The following NDST4 variants were observed in gnomAD, a reference collection of about 807,000 sequenced individuals.
The protein encoded by NDST4 is N-deacetylase and N-sulfotransferase 4, also known as N-heparan sulfate sulfotransferase 4.
A neutral mutation model predicts 100.8 loss-of-function variants in NDST4; 63 were observed. The ratio of observed to expected loss-of-function variants is 0.62; its 90% confidence interval spans 0.51 to 0.77. The LOEUF is 0.77. NDST4 is among the 30% of genes least tolerant of loss of function. The probability of loss-of-function intolerance (pLI) is 0.00; values close to 1 mark genes in which losing one functional copy is unlikely to be tolerated. For synonymous variants in NDST4, 377 were observed against 361.8 expected (o/e 1.04, Z -0.48); for missense variants, 943 against 1,018.4 (o/e 0.93, Z 1.01).
chr4:114,876,070 T>A (rs1724248543), intron 6 of NDST4, among the ~76,000 whole-genome samples: 1 of 152,154 alleles, frequency 6.6e-6, no homozygotes. Context: ...AGATATTTGG[T>A]TCCTAGGAAA....
chr4:114,887,802 G>A (rs1724510861), intron 6 of NDST4, among the ~76,000 whole-genome samples: 1 of 152,068 alleles, frequency 6.6e-6, no homozygotes, highest in East Asian at 1.9e-4. Flanking sequence ...AGCAGGAGAA[G>A]GGGACATTTA....
chr4:114,835,157 G>T (rs112450046), intron 11 of NDST4, among the ~76,000 whole-genome samples: 16,533 of 151,944 alleles, frequency 0.11, 943 homozygotes, highest in Middle Eastern at 0.15. Flanking sequence ...CTTGTCTTCT[G>T]CTAGCTTTTG....
At chr4:114,910,523 G>A (rs1725042358) in intron 6 of NDST4, among the ~76,000 whole-genome samples, 2 of 152,228 alleles carry the variant, frequency 1.3e-5, no homozygotes, top group South Asian at 4.2e-4. Flanking sequence ...AGAAATAGCA[G>A]TGTCTGAATA....
chr4:115,090,837 C>G (rs192514562), intron 1 of NDST4, among the ~76,000 whole-genome samples: 98 of 152,092 alleles, frequency 6.4e-4, no homozygotes, highest in African/African-American at 2.2e-3. Context: ...TTGACATCAG[C>G]GAAAGATCAG....
chr4:115,095,518 T>C (rs1273300081), intron 1 of NDST4, among the ~76,000 whole-genome samples: 1 of 152,086 alleles, frequency 6.6e-6, no homozygotes, highest in Non-Finnish European at 1.5e-5. Context: ...TTATTTCTCA[T>C]TGTCACTAAT....
At chr4:115,080,984 T>C (rs479087) in intron 1 of NDST4, among the ~76,000 whole-genome samples, 35,298 of 151,848 alleles carry the variant, frequency 0.23, 5,588 homozygotes, top group East Asian at 0.45. Flanking sequence ...CTTGGTTTAA[T>C]CTTTACTTCT....
At chr4:114,933,456 T>TTTTTTTTTTTTTTTTTTTTTTTTTTTTTA (rs1337610741) in intron 6 of NDST4, among the ~76,000 whole-genome samples, 1 of 133,332 alleles carries the variant, frequency 7.5e-6, no homozygotes, top group African/African-American at 2.7e-5. Context: ...TTTTTTTTTG[T>TTTTTTTTTTTTTTTTTTTTTTTTTTTTTA]GTGTAAAAAC....
chr4:114,981,987 ACGAG>A (rs1441759336), intron 2 of NDST4, among the ~76,000 whole-genome samples: 1 of 152,088 alleles, frequency 6.6e-6, no homozygotes, highest in Non-Finnish European at 1.5e-5. Context: ...CAGAGTTCTC[ACGAG>A]ATCTGGTTGT....
intron 2 of NDST4, among the ~76,000 whole-genome samples, chr4:115,070,150 A>T (rs1338696585): frequency 6.6e-6 from 1 of 152,206 alleles, no homozygotes; most frequent in African/African-American, 2.4e-5. Context: ...TCTTCAAAAT[A>T]GCAAAGATAT....
intron 1 of NDST4, among the ~76,000 whole-genome samples, chr4:115,088,302 A>G (rs1729446801): frequency 6.8e-6 from 1 of 146,558 alleles, no homozygotes; most frequent in Admixed American, 7.1e-5. Flanking sequence ...TAGATAATGT[A>G]TATCTCTTCT....
At position 114,827,945 on chromosome 4, in the gene NDST4, A is replaced by G; in HGVS notation, c.2500-10T>C. On this transcript the variant is annotated splice_polypyrimidine_tract_variant and intron_variant, in intron 13 of 13. Coordinates refer to ENST00000264363, the MANE Select transcript of NDST4 (RefSeq NM_022569.3). ...AGAGGAACGTTCTAGACTGGAAAGA[A>G]AAAAAGAAGAACTTGAAAGAAGCTC... 1 of 1,579,936 alleles carries G rather than the reference A, an allele frequency of 6.3e-7. No homozygotes were observed. The highest frequency in any genetic ancestry group is 8.5e-7 in the Non-Finnish European group (1 of 1,170,284).
chr4:115,069,371 A>T (rs1485948866), intron 2 of NDST4, among the ~76,000 whole-genome samples: 1 of 152,222 alleles, frequency 6.6e-6, no homozygotes, highest in African/African-American at 2.4e-5. Context: ...CAGACAACCT[A>T]CAGAATGGGA....
intron 2 of NDST4, among the ~76,000 whole-genome samples, chr4:114,979,447 T>A (rs377736403): frequency 6.6e-6 from 1 of 150,818 alleles, no homozygotes; most frequent in East Asian, 2.0e-4. Context: ...TAAGGTTTGA[T>A]GTATCCAAAG....
At chr4:114,860,609 C>T (rs549567862) in intron 7 of NDST4, among the ~76,000 whole-genome samples, 19 of 152,150 alleles carry the variant, frequency 1.2e-4, no homozygotes, top group Non-Finnish European at 2.4e-4. Flanking sequence ...TATTGAAGAG[C>T]GTATCAGTCT....
chr4:114,966,462 A>C (rs1398417041), intron 4 of NDST4, among the ~76,000 whole-genome samples: 1 of 152,054 alleles, frequency 6.6e-6, no homozygotes, highest in Non-Finnish European at 1.5e-5. Flanking sequence ...AAATGAAACT[A>C]CTCAGATAGA....
At chr4:115,035,186 C>T (rs1728206753) in intron 2 of NDST4, among the ~76,000 whole-genome samples, 1 of 152,060 alleles carries the variant, frequency 6.6e-6, no homozygotes, top group Admixed American at 6.6e-5. Flanking sequence ...TTAATGTCAT[C>T]CTATTAAGTG....
chr4:114,933,432 C>CTTTTTTTTTTTTTTTTTTCCTTTTTT (rs1553955185), intron 6 of NDST4, among the ~76,000 whole-genome samples: 3 of 89,248 alleles, frequency 3.4e-5, no homozygotes, highest in East Asian at 4.4e-4. Flanking sequence ...TTTTCTTTTC[C>CTTTTTTTTTTTTTTTTTTCCTTTTTT]TTTTTTTTTT....
intron 6 of NDST4, among the ~76,000 whole-genome samples, chr4:114,873,542 A>G (rs914047485): frequency 5.9e-5 from 9 of 151,996 alleles, no homozygotes; most frequent in African/African-American, 1.2e-4. Context: ...ACACTGTCCA[A>G]TGTCCCAATC....
intron 11 of NDST4, among the ~76,000 whole-genome samples, chr4:114,834,209 A>G (rs1248784390): frequency 2.0e-5 from 3 of 152,054 alleles, no homozygotes; most frequent in Non-Finnish European, 4.4e-5. Flanking sequence ...GAATATCATA[A>G]TTGTCAAAGG....
Sources: allele counts gnomAD v4.1 joint callset (sites outside exome capture counted in the v4.1 genomes callset), GRCh38; gene constraint gnomAD v4.1.1; transcripts MANE v1.5; gene names NCBI Gene and HGNC (gene_info 2026-07-23, HGNC 2026-07-21).